NDUFS4: variants seen among roughly 807,000 people sequenced by gnomAD.
NDUFS4 encodes the protein NADH dehydrogenase [ubiquinone] iron-sulfur protein 4, mitochondrial.
NDUFS4 carries 28 observed loss-of-function variants against 24.3 expected under a neutral mutation model. That is an observed-to-expected ratio of 1.15 (90% CI 0.85 to 1.58). The LOEUF (loss-of-function observed/expected upper bound fraction) is 1.58, where lower values mean the gene tolerates loss of function less well. NDUFS4 is among the 40% of genes most tolerant of loss of function. The pLI, the probability that NDUFS4 is intolerant of heterozygous loss-of-function variation, is 0.00. For synonymous variants in NDUFS4, 93 were observed against 69.7 expected (o/e 1.34, Z -1.67); for missense variants, 223 against 207.9 (o/e 1.07, Z -0.45).
chr5:53,619,578 G>C (rs910553773), intron 2 of NDUFS4, among the ~76,000 whole-genome samples: 2 of 148,160 alleles, frequency 1.3e-5, no homozygotes, highest in African/African-American at 5.0e-5. Flanking sequence ...TAAAAACATA[G>C]TAATATGTAC....
chr5:53,682,566 T>TAATC (rs138305700), intron 4 of NDUFS4, among the ~76,000 whole-genome samples: 14,617 of 151,986 alleles, frequency 0.096, 1,002 homozygotes, highest in Admixed American at 0.2. Flanking sequence ...TTTTTGAGTT[T>TAATC]AATCAGTAGC....
At chr5:53,655,938 T>G (rs999650963) in intron 3 of NDUFS4, among the ~76,000 whole-genome samples, 4 of 152,154 alleles carry the variant, frequency 2.6e-5, no homozygotes, top group African/African-American at 9.6e-5. Context: ...CTTTGCTCAA[T>G]TCTTTCAGCC....
intron 4 of NDUFS4, among the ~76,000 whole-genome samples, chr5:53,669,386 T>G (rs1033945343): frequency 6.6e-6 from 1 of 152,146 alleles, no homozygotes; most frequent in Non-Finnish European, 1.5e-5. Flanking sequence ...TACACCTTCC[T>G]CCCTCTACAA....
intron 1 of NDUFS4, 84 bp downstream of exon 1, chr5:53,560,844 G>T: frequency 6.2e-7 from 1 of 1,601,620 alleles, no homozygotes; most frequent in Non-Finnish European, 8.5e-7. Flanking sequence ...TCCGGAGGAG[G>T]CCTCGGGGAA....
At chr5:53,605,349 C>T (rs888814492) in intron 2 of NDUFS4, among the ~76,000 whole-genome samples, 1 of 152,124 alleles carries the variant, frequency 6.6e-6, no homozygotes, top group Non-Finnish European at 1.5e-5. Context: ...TTTTAACTCT[C>T]AGGAGGTTGC....
intron 1 of NDUFS4, among the ~76,000 whole-genome samples, chr5:53,578,120 C>G (rs1026797421): frequency 3.9e-5 from 6 of 152,142 alleles, no homozygotes; most frequent in Non-Finnish European, 7.4e-5. Flanking sequence ...GTTCATAGTT[C>G]GTACTAGAAT....
intron 2 of NDUFS4, among the ~76,000 whole-genome samples, chr5:53,619,851 C>T (rs1341638481): frequency 6.6e-6 from 1 of 151,860 alleles, no homozygotes; most frequent in Non-Finnish European, 1.5e-5. Context: ...ATGGCTGTAC[C>T]ATAATACCTT....
At chr5:53,659,371 A>G (rs1231506732) in intron 4 of NDUFS4, among the ~76,000 whole-genome samples, 1 of 152,152 alleles carries the variant, frequency 6.6e-6, no homozygotes, top group African/African-American at 2.4e-5. Context: ...CTTTGAAGCT[A>G]TATGATTTTG....
intron 4 of NDUFS4, among the ~76,000 whole-genome samples, chr5:53,673,966 A>AGTT (rs1740373512): frequency 1.3e-5 from 2 of 152,196 alleles, no homozygotes; most frequent in Admixed American, 6.5e-5. Flanking sequence ...AAGTAGCAAG[A>AGTT]GTTTATAAAT....
chr5:53,601,003 ATTT>A (rs3084744), intron 1 of NDUFS4, among the ~76,000 whole-genome samples: 125 of 130,692 alleles, frequency 9.6e-4, no homozygotes, highest in African/African-American at 2.7e-3. Context: ...TTTATAATAA[ATTT>A]TTTTTTTTTT....
intron 3 of NDUFS4, among the ~76,000 whole-genome samples, chr5:53,651,731 C>G (rs1752020321): frequency 2.0e-5 from 3 of 150,860 alleles, no homozygotes; most frequent in Non-Finnish European, 4.4e-5. Flanking sequence ...TTTCCAAAGC[C>G]ACAAGGTTTC....
chr5:53,607,699 A>G (rs1405067474), intron 2 of NDUFS4, among the ~76,000 whole-genome samples: 1 of 152,228 alleles, frequency 6.6e-6, no homozygotes, highest in Non-Finnish European at 1.5e-5. Flanking sequence ...ATCAAGTATG[A>G]AAATATTAAG....
chr5:53,634,037 TATA>T (rs1258199736), intron 2 of NDUFS4, among the ~76,000 whole-genome samples: 3 of 152,360 alleles, frequency 2.0e-5, no homozygotes, highest in African/African-American at 7.2e-5. Flanking sequence ...TGCATTATAA[TATA>T]ATGTTTAAGG....
intron 2 of NDUFS4, among the ~76,000 whole-genome samples, chr5:53,643,289 C>T (rs1459986322): frequency 6.6e-6 from 1 of 152,050 alleles, no homozygotes; most frequent in Non-Finnish European, 1.5e-5. Context: ...ACATCTTTCT[C>T]CAAAGCATTT....
At chr5:53,614,295 G>T (rs1046752380) in intron 2 of NDUFS4, among the ~76,000 whole-genome samples, 4 of 151,800 alleles carry the variant, frequency 2.6e-5, no homozygotes, top group African/African-American at 4.8e-5. Flanking sequence ...TTTTTATGTA[G>T]TATCAAGCTG....
At chr5:53,563,994 CTTAG>C (rs1364220874) in intron 1 of NDUFS4, among the ~76,000 whole-genome samples, 2 of 152,124 alleles carry the variant, frequency 1.3e-5, no homozygotes, top group Non-Finnish European at 2.9e-5. Context: ...CTTATCTCAC[CTTAG>C]TATTTACTAG....
intron 1 of NDUFS4, among the ~76,000 whole-genome samples, chr5:53,587,401 GA>G (rs1749796890): frequency 6.6e-6 from 1 of 151,928 alleles, no homozygotes; most frequent in Non-Finnish European, 1.5e-5. Context: ...CTACCACCTA[GA>G]TTTAACATGG....
chr5:53,634,146 C>G (rs1751483952), intron 2 of NDUFS4, among the ~76,000 whole-genome samples: 1 of 152,126 alleles, frequency 6.6e-6, no homozygotes, highest in African/African-American at 2.4e-5. Flanking sequence ...AAGGAAACTT[C>G]TGTTGCATAG....
In NDUFS4 at chr5:53,658,576, C is replaced by T. The variant is rs372938532; in HGVS notation, c.376C>T (p.Leu126=). ...GGCTGATCCCTTATCCAACATGGTTCTAACCTTCAGTACTAAAGAAGATGC... is the reference window on the plus strand; with the variant it reads ...GGCTGATCCCTTATCCAACATGGTTTTAACCTTCAGTACTAAAGAAGATGC... The part of the protein sequence containing the change: ...STADPLSNMV[L]TFSTKEDAVS... The change falls in exon 4 of 5, where the codon CTA becomes TTA. Residue 126 remains leucine, a synonymous_variant. Transcript: ENST00000296684. 2.0e-5 allele frequency: 32 copies of T among 1,613,232 alleles called. No homozygotes were observed. Among genetic ancestry groups the T allele is most frequent in the African/African-American group, 2.7e-5 (2 of 74,860 alleles).
Sources: allele counts gnomAD v4.1 joint callset (sites outside exome capture counted in the v4.1 genomes callset), GRCh38; gene constraint gnomAD v4.1.1; transcripts MANE v1.5; gene names NCBI Gene and HGNC (gene_info 2026-07-23, HGNC 2026-07-21).